Variants in CEP97 observed in about 807,000 individuals in gnomAD.
The protein encoded by CEP97 is centrosomal protein of 97 kDa.
In CEP97, 43 loss-of-function variants were observed where a neutral mutation model predicts 73.1. The observed-to-expected ratio is 0.59, with a 90% CI of 0.46 to 0.76. CEP97 has a LOEUF of 0.76. Among genes scored for constraint, CEP97 ranks in the 30% least tolerant of loss-of-function variants. The pLI is 0.00. For synonymous variants in CEP97, 337 were observed against 370.0 expected, an observed-to-expected ratio of 0.91 and a Z score of 1.02; for missense variants, 939 against 1,014.0, an observed-to-expected ratio of 0.93 and a Z score of 1.00.
At chr3:101,726,837 C>A in intron 2 of CEP97, 101 bp downstream of exon 2, 1 of 820,356 alleles carries the variant, frequency 1.2e-6, no homozygotes, top group Non-Finnish European at 1.8e-6. Flanking sequence ...CCCTAGCAAG[C>A]AGTCATTGTT....
Position 101,726,482 on chromosome 3 carries a change from A to C in CEP97, c.44-112A>C, listed in dbSNP as rs1013947239. 7 of 648,748 alleles carry C rather than the reference A, an allele frequency of 1.1e-5. No homozygotes were observed. The African/African-American group carries it at 1.1e-4, about 10-fold the overall frequency. The allele number at this position is 648,748 out of a possible 1,614,324, so 40.2% of individuals were successfully genotyped here. A position where few individuals can be genotyped will look rare whatever the true frequency, so the allele number is the denominator to read the frequency against. On this transcript the variant is annotated intron_variant, in intron 1 of 10. Transcript: ENST00000341893. ...ACAATGTTGATATTTATTATGCTCT[A>C]CTGTTCTTTAACTTGAAATGGTATA...
chr3:101,763,200 C>G (rs1183775125), intron 10 of CEP97: 9 of 1,235,250 alleles, frequency 7.3e-6, no homozygotes, highest in Non-Finnish European at 9.3e-6. Flanking sequence ...AGCCACATCA[C>G]CTGGCCAAAT....
intron 9 of CEP97, among the ~76,000 whole-genome samples, chr3:101,760,642 A>C (rs1939145935): frequency 6.6e-6 from 1 of 151,948 alleles, no homozygotes; most frequent in South Asian, 2.1e-4. Context: ...CCTGGGTTCA[A>C]GTGATTCTCC....
At chr3:101,760,532 G>T (rs1281436608) in intron 9 of CEP97, among the ~76,000 whole-genome samples, 2 of 151,978 alleles carry the variant, frequency 1.3e-5, no homozygotes, top group African/African-American at 4.8e-5. Flanking sequence ...GAGTAATAAT[G>T]ATAGATCTTA....
At position 101,769,195 on chromosome 3, in the gene CEP97, T is replaced by A. The variant is rs935697819; in HGVS notation, c.*3644T>A. ...ATTTTTTGTGTGCAAAGTCTTAGAA[T>A]TGGATTTATAACATTGATAATAAAA... On this transcript the variant is annotated 3_prime_UTR_variant, in exon 11 of 11. Transcript: ENST00000341893. 1.3e-5 allele frequency: 2 copies of A among 152,172 alleles called. No homozygotes were observed. The highest frequency in any genetic ancestry group is 1.3e-4 in the Admixed American group (2 of 15,270). 9.4% of individuals were successfully genotyped at this position (152,172 alleles called of 1,614,324 possible).
In CEP97 at chr3:101,738,389, T is replaced by C. The variant is rs143427393; in HGVS notation, c.728+5735T>C. ...CTCTCCACACCAAATCAACAGAATATACATTCTTTTCAACACCACATCACA... is the reference window on the plus strand; with the variant it reads ...CTCTCCACACCAAATCAACAGAATACACATTCTTTTCAACACCACATCACA... On this transcript the variant is annotated intron_variant, in intron 6 of 10. Coordinates refer to ENST00000341893, the MANE Select transcript of CEP97 (RefSeq NM_024548.4). 3.2e-3 allele frequency among the ~76,000 whole-genome samples: 491 copies of C among 152,278 alleles called. 1 individual carries two copies. The highest frequency in any genetic ancestry group is 4.5e-3 in the Non-Finnish European group (306 of 68,034).
rs975610881 is a variant in CEP97, at chr3:101,755,543, G to A, written c.842G>A (p.Gly281Asp). The change falls in exon 7 of 11, where the codon GGT becomes GAT. Residue 281 changes from glycine (G) to aspartate (D), a missense_variant. Gly to Asp is a moderately conservative substitution (Grantham distance 94). Transcript: ENST00000341893. ...ATVCPLTSTLGLQTAEDAKLE... is the reference protein window; with the variant it reads ...ATVCPLTSTLDLQTAEDAKLE... ...GTCTGCCCCCTCACTTCTACACTAG[G>A]TCTTCAAACTGCAGAGGATGCCAAA... is the stretch of plus-strand genomic sequence containing the variant. 3.7e-6 allele frequency: 6 copies of A among 1,614,152 alleles called. No individual in the cohort carries two copies. Among genetic ancestry groups the A allele is most frequent in the Non-Finnish European group, 4.2e-6 (5 of 1,180,024 alleles).
chr3:101,765,500 G>A lies in CEP97; in HGVS notation c.2547G>A (p.Gln849=). The change falls in exon 11 of 11, where the codon CAG becomes CAA. Residue 849 remains glutamine, a synonymous_variant. Transcript: ENST00000341893. ...SKLNAEVQGQ[Q]PECDSTFQLL... ...TAAATGCAGAAGTTCAGGGGCAGCA[G>A]CCAGAATGTGATTCTACATTTCAGC... 1 of 1,613,962 alleles carries A rather than the reference G, an allele frequency of 6.2e-7. No homozygotes were observed. Among genetic ancestry groups the A allele is most frequent in the Non-Finnish European group, 8.5e-7 (1 of 1,179,890 alleles).
At chr3:101,736,408 A>G (rs1440951971) in intron 6 of CEP97, among the ~76,000 whole-genome samples, 7 of 152,090 alleles carry the variant, frequency 4.6e-5, no homozygotes, top group African/African-American at 1.4e-4. Context: ...TGACTGGGAG[A>G]CATCTCCCAG....
rs1939341719 is a variant in CEP97, at chr3:101,767,219, A to G, written c.*1668A>G. On this transcript the variant is annotated 3_prime_UTR_variant, in exon 11 of 11. Transcript: ENST00000341893. ...TCTTAGAAATCCAGAATCCCTTGAA[A>G]AGGAAATATTTTCTGTTTCTTATAA... 6.6e-6 allele frequency: 1 copy of G among 152,228 alleles called. No homozygotes were observed. The highest frequency in any genetic ancestry group is 2.4e-5 in the African/African-American group (1 of 41,460). 9.4% of individuals were successfully genotyped at this position (152,228 alleles called of 1,614,324 possible). A position where few individuals can be genotyped will look rare whatever the true frequency, so the allele number is the denominator to read the frequency against.
intron 6 of CEP97, among the ~76,000 whole-genome samples, chr3:101,745,086 C>T (rs1181525690): frequency 1.3e-5 from 2 of 152,154 alleles, no homozygotes; most frequent in African/African-American, 4.8e-5. Context: ...TTGTGTGGCA[C>T]CTCAGTGTTT....
chr3:101,731,914 ACTTT>A lies in CEP97; in HGVS notation c.527_530del (p.Ser176TrpfsTer9). 1 of 1,610,094 alleles carries A rather than the reference ACTTT, an allele frequency of 6.2e-7. No homozygotes were observed. Among genetic ancestry groups the A allele is most frequent in the Non-Finnish European group, 8.5e-7 (1 of 1,176,434 alleles). ...CTTACCTACCCAGAAGTCTTGCTATACTTTCTTTGGCAGAAAATGAAATCCGAGA... is the reference window on the plus strand; with the variant it reads ...CTTACCTACCCAGAAGTCTTGCTATACTTTGGCAGAAAATGAAATCCGAGA... On this transcript the variant is annotated frameshift_variant, in exon 5 of 11. Coordinates refer to ENST00000341893, the MANE Select transcript of CEP97 (RefSeq NM_024548.4). LOFTEE classifies it high-confidence loss of function.
chr3:101,738,142 G>A (rs372382914), intron 6 of CEP97, among the ~76,000 whole-genome samples: 1 of 151,194 alleles, frequency 6.6e-6, no homozygotes, highest in Non-Finnish European at 1.5e-5. Context: ...GGAACAAGAA[G>A]AGCTAACTAT....
chr3:101,727,389 G>T lies in CEP97; in HGVS notation c.193G>T (p.Val65Leu). 6.2e-7 allele frequency: 1 copy of T among 1,611,110 alleles called. No homozygotes were observed. The highest frequency in any genetic ancestry group is 1.1e-5 in the South Asian group (1 of 90,342). Residue 65 changes from valine (V) to leucine (L), a missense_variant, in exon 3 of 11, where the codon GTA (valine) becomes TTA (leucine). Val to Leu is a conservative substitution (Grantham distance 32, BLOSUM62 1). Transcript: ENST00000341893. ...EKCKRLIQLSVANNRLVRMMG... is the reference protein window; with the variant it reads ...EKCKRLIQLSLANNRLVRMMG... ...ATATGTTTCCTTTTTACAGTTATCAGTAGCTAATAATCGGCTGGTTCGGAT... is the reference window on the plus strand; with the variant it reads ...ATATGTTTCCTTTTTACAGTTATCATTAGCTAATAATCGGCTGGTTCGGAT...
rs9824786 is a variant in CEP97 at position 101,731,387 on chromosome 3, G to A, written c.448-453G>A. ...GGCTAATTTTTTGATTTTTAGTAGAGACCAGGTCTCACTATGTTGCCCAGG... is the reference window on the plus strand; with the variant it reads ...GGCTAATTTTTTGATTTTTAGTAGAAACCAGGTCTCACTATGTTGCCCAGG... On this transcript the variant is annotated intron_variant, in intron 4 of 10. Coordinates refer to ENST00000341893, the MANE Select transcript of CEP97 (RefSeq NM_024548.4). Among the ~76,000 whole-genome samples, 244 of 151,774 alleles carry A rather than the reference G, an allele frequency of 1.6e-3. 3 individuals carry two copies. The highest frequency in any genetic ancestry group is 5.7e-3 in the African/African-American group (234 of 41,364).
intron 4 of CEP97, among the ~76,000 whole-genome samples, chr3:101,730,997 G>T (rs773639258): frequency 4.1e-5 from 6 of 147,454 alleles, no homozygotes; most frequent in Non-Finnish European, 7.4e-5. Flanking sequence ...CTATTTATCT[G>T]ATCAGAATCC....
intron 7 of CEP97, among the ~76,000 whole-genome samples, chr3:101,756,801 T>G (rs945636896): frequency 9.9e-5 from 15 of 152,236 alleles, no homozygotes; most frequent in African/African-American, 3.4e-4. Flanking sequence ...ATATTTACTT[T>G]CTTTATCAGA....
In CEP97 at chr3:101,758,358, G is replaced by A; in HGVS notation, c.1752G>A (p.Val584=). ...ARNYNPQAKD[V]RYEIRLRRMQ... ...ACTACAACCCTCAAGCCAAAGATGTGCGTTACGAAATCCGGCTACGCAGAA... is the reference window on the plus strand; with the variant it reads ...ACTACAACCCTCAAGCCAAAGATGTACGTTACGAAATCCGGCTACGCAGAA... The change falls in exon 9 of 11, where the codon GTG becomes GTA. Residue 584 remains valine (V), a synonymous_variant. Transcript: ENST00000341893. The A allele has an allele frequency of 1.2e-6, 2 of 1,614,172 alleles. No homozygotes were observed. The highest frequency in any genetic ancestry group is 2.2e-5 in the East Asian group (1 of 44,878).
In CEP97 at chr3:101,766,916, G is replaced by T. The variant is rs972194499; in HGVS notation, c.*1365G>T. On this transcript the variant is annotated 3_prime_UTR_variant, in exon 11 of 11. Coordinates refer to ENST00000341893, the MANE Select transcript of CEP97 (RefSeq NM_024548.4). Reference sequence around the variant, plus strand: ...CTGATCCTTCAAGGATAAAGTTGAGGATCACATGGTACGTGGCATTTGTTG... The same window carrying T: ...CTGATCCTTCAAGGATAAAGTTGAGTATCACATGGTACGTGGCATTTGTTG... 4.6e-5 allele frequency: 7 copies of T among 152,152 alleles called. No individual in the cohort carries two copies. The highest frequency in any genetic ancestry group is 1.0e-4 in the Non-Finnish European group (7 of 68,028). The allele number at this position is 152,152 out of a possible 1,614,324, so 9.4% of individuals were successfully genotyped here.
Sources: gnomAD v4.1 joint callset for allele counts (sites outside exome capture counted in the v4.1 genomes callset) on GRCh38, gnomAD v4.1.1 for gene constraint, MANE v1.5 for transcripts, NCBI Gene and HGNC (gene_info 2026-07-23, HGNC 2026-07-21) for gene names.